KLHL8: variants seen among roughly 807,000 people sequenced by gnomAD.
KLHL8 encodes kelch-like protein 8.
Under a neutral mutation model 63.5 loss-of-function variants are expected in KLHL8, and 38 were observed. The observed-to-expected ratio is 0.60, with a 90% CI of 0.46 to 0.78. KLHL8 has a LOEUF of 0.78. Among genes scored for constraint, KLHL8 ranks in the 30% least tolerant of loss-of-function variants. The pLI, the probability that KLHL8 is intolerant of heterozygous loss-of-function variation, is 0.00. For missense variants in KLHL8, 566 were observed against 752.4 expected, an observed-to-expected ratio of 0.75 and a Z score of 2.90; for synonymous variants, 224 against 254.3, an observed-to-expected ratio of 0.88 and a Z score of 1.13.
chr4:87,237,496 G>T (rs1733252532), intron 1 of KLHL8, among the ~76,000 whole-genome samples: 1 of 152,104 alleles, frequency 6.6e-6, no homozygotes. Context: ...TTCACTGGAA[G>T]TCTTAACAAA....
chr4:87,178,124 T>TA (rs890890141), intron 5 of KLHL8, among the ~76,000 whole-genome samples: 79 of 151,720 alleles, frequency 5.2e-4, no homozygotes, highest in South Asian at 8.3e-4. Context: ...CAGGAATAAG[T>TA]AAAAAAAAAT....
chr4:87,189,833 T>C (rs1393758112), intron 2 of KLHL8, among the ~76,000 whole-genome samples: 2 of 150,946 alleles, frequency 1.3e-5, no homozygotes, highest in African/African-American at 4.9e-5. Flanking sequence ...ATGGAGACCA[T>C]CCTGGCTAAC....
intron 1 of KLHL8, among the ~76,000 whole-genome samples, chr4:87,204,855 T>C (rs989077306): frequency 2.6e-5 from 4 of 152,210 alleles, no homozygotes; most frequent in Admixed American, 6.5e-5. Context: ...GAGAGTTTTA[T>C]GGGATGATGA....
intron 1 of KLHL8, chr4:87,207,831 G>T: frequency 7.3e-7 from 1 of 1,361,578 alleles, no homozygotes; most frequent in East Asian, 2.3e-5. Flanking sequence ...CCTGCCATCT[G>T]GAAAAACCTG....
At chr4:87,172,689 T>A (rs993087979) in intron 6 of KLHL8, among the ~76,000 whole-genome samples, 1 of 152,218 alleles carries the variant, frequency 6.6e-6, no homozygotes, top group African/African-American at 2.4e-5. Flanking sequence ...CTCTGAACTA[T>A]CTTTCAAATA....
intron 1 of KLHL8, among the ~76,000 whole-genome samples, chr4:87,229,440 G>GTC (rs1733096401): frequency 1.0e-4 from 2 of 19,388 alleles, no homozygotes; most frequent in African/African-American, 4.1e-4. Flanking sequence ...TTTTTTGGTG[G>GTC]GGGGGGGTGC....
chr4:87,195,721 C>A, intron 1 of KLHL8, 31 bp from the exon 2 acceptor site: 1 of 497,688 alleles, frequency 2.0e-6, no homozygotes, highest in Non-Finnish European at 3.5e-6. Context: ...CAGGTAGAGA[C>A]AAACGAAAAG....
chr4:87,175,935 T>C lies in KLHL8; in HGVS notation c.1208+822A>G, dbSNP rs138684832. On this transcript the variant is annotated intron_variant, in intron 6 of 9. Transcript: ENST00000273963. ...AGTATCTTATTTAATAGCAAAACAC[T>C]AGATACTTTTCTAATAAGATCAGGA... Among the ~76,000 whole-genome samples the C allele has an allele frequency of 2.6e-3, 394 of 152,250 alleles. 3 individuals carry two copies. The highest frequency in any genetic ancestry group is 8.5e-3 in the South Asian group (41 of 4,824).
chr4:87,232,803 AT>A (rs1339246847), intron 1 of KLHL8, among the ~76,000 whole-genome samples: 1 of 152,080 alleles, frequency 6.6e-6, no homozygotes. Context: ...AGGTTTTAAT[AT>A]GTTTAATATA....
chr4:87,180,807 C>A (rs993531218), intron 4 of KLHL8, among the ~76,000 whole-genome samples: 1 of 151,948 alleles, frequency 6.6e-6, no homozygotes, highest in African/African-American at 2.4e-5. Flanking sequence ...CTTTGGGAGG[C>A]TGAAGTGGGT....
At chr4:87,171,370 T>C (rs569733926) in intron 6 of KLHL8, among the ~76,000 whole-genome samples, 2 of 152,192 alleles carry the variant, frequency 1.3e-5, no homozygotes, top group African/African-American at 4.8e-5. Context: ...CATATTTAGT[T>C]CTATGAAGTA....
intron 1 of KLHL8, among the ~76,000 whole-genome samples, chr4:87,198,012 TAA>T (rs3036206): frequency 1.5e-4 from 20 of 136,642 alleles, no homozygotes; most frequent in Admixed American, 3.6e-4. Flanking sequence ...CTTTAATTAT[TAA>T]AAAAAAAAAA....
Position 87,195,569 on chromosome 4 carries a change from C to A in KLHL8, c.-30G>T, listed in dbSNP as rs372138446. The A allele has an allele frequency of 3.7e-5, 58 of 1,559,638 alleles. No individual in the cohort carries two copies. The East Asian group carries it at 1.1e-3, about 31-fold the overall frequency. On this transcript the variant is annotated 5_prime_UTR_variant, in exon 2 of 10. Coordinates refer to ENST00000273963, the MANE Select transcript of KLHL8 (RefSeq NM_020803.5). Reference sequence around the variant, plus strand: ...AATATTCCTCTTTTAATAGAGCTCTCTTCTCAAACATGCCATTTATTTTTT... The same window carrying A: ...AATATTCCTCTTTTAATAGAGCTCTATTCTCAAACATGCCATTTATTTTTT...
intron 1 of KLHL8, chr4:87,207,082 T>G: frequency 2.1e-6 from 1 of 478,830 alleles, no homozygotes; most frequent in Non-Finnish European, 4.0e-6. Flanking sequence ...GCTGCATCGC[T>G]GAGGTAGTGA....
intron 6 of KLHL8, among the ~76,000 whole-genome samples, chr4:87,173,298 C>G (rs1248972555): frequency 6.6e-6 from 1 of 152,208 alleles, no homozygotes; most frequent in Non-Finnish European, 1.5e-5. Flanking sequence ...TTGTTATCTT[C>G]TCTTCTACAA....
chr4:87,167,623 T>C (rs1730453089), intron 8 of KLHL8: 3 of 478,918 alleles, frequency 6.3e-6, no homozygotes, highest in Admixed American at 4.8e-5. Flanking sequence ...GTGCTGCAGA[T>C]GGCTCATTCC....
chr4:87,201,156 T>G (rs1328756414), intron 1 of KLHL8, among the ~76,000 whole-genome samples: 3 of 152,190 alleles, frequency 2.0e-5, no homozygotes, highest in Admixed American at 1.3e-4. Context: ...TGGGTATCAT[T>G]TCAGTTTTGC....
At chr4:87,187,871 T>G (rs1731328942) in intron 2 of KLHL8, among the ~76,000 whole-genome samples, 1 of 152,210 alleles carries the variant, frequency 6.6e-6, no homozygotes, top group Admixed American at 6.5e-5. Context: ...CCTGTTTTCA[T>G]GTAGTGTTTT....
intron 1 of KLHL8, among the ~76,000 whole-genome samples, chr4:87,213,421 G>A (rs963162898): frequency 1.3e-5 from 2 of 152,116 alleles, no homozygotes; most frequent in Non-Finnish European, 2.9e-5. Flanking sequence ...GAAACCAAAC[G>A]AAAAGCACAA....
Sources: allele counts gnomAD v4.1 joint callset (sites outside exome capture counted in the v4.1 genomes callset), GRCh38; gene constraint gnomAD v4.1.1; transcripts MANE v1.5; gene names NCBI Gene and HGNC (gene_info 2026-07-23, HGNC 2026-07-21).